The following CNTNAP2 variants were observed in gnomAD, a reference collection of about 807,000 sequenced individuals.
CNTNAP2 encodes the protein contactin associated protein 2.
Under a neutral mutation model 155.2 loss-of-function variants are expected in CNTNAP2, and 98 were observed. The ratio of observed to expected loss-of-function variants is 0.63; its 90% CI spans 0.54 to 0.75. The LOEUF (loss-of-function observed/expected upper bound fraction) is 0.75, where lower values mean the gene tolerates loss of function less well. Ranked by LOEUF, CNTNAP2 falls within the 30% of genes least tolerant of loss-of-function variation. The pLI is 0.00. For missense variants in CNTNAP2, 1,727 were observed against 1,688.1 expected (o/e 1.02, Z -0.40); for synonymous variants, 651 against 631.2 (o/e 1.03, Z -0.47).
intron 12 of CNTNAP2, among the ~76,000 whole-genome samples, chr7:147,603,134 C>T (rs947121513): frequency 4.6e-5 from 7 of 151,448 alleles, no homozygotes; most frequent in African/African-American, 1.7e-4. Flanking sequence ...TCTCCACATC[C>T]TCTCCAGCAC....
At chr7:147,970,812 A>G (rs1801319125) in intron 14 of CNTNAP2, among the ~76,000 whole-genome samples, 2 of 152,210 alleles carry the variant, frequency 1.3e-5, no homozygotes, top group African/African-American at 4.8e-5. Flanking sequence ...CACAGTCCCT[A>G]AATCTAGTTT....
intron 10 of CNTNAP2, among the ~76,000 whole-genome samples, chr7:147,477,463 CT>C (rs1798342890): frequency 1.3e-5 from 2 of 152,104 alleles, no homozygotes; most frequent in African/African-American, 2.4e-5. Flanking sequence ...TTAAGATTTT[CT>C]ACTTGGAGCA....
In CNTNAP2 at chr7:148,147,487, C is replaced by T. The variant is rs1270982949; in HGVS notation, c.2555-4C>T. The T allele has an allele frequency of 1.2e-6, 2 of 1,613,910 alleles. No homozygotes were observed. Among genetic ancestry groups the T allele is most frequent in the African/African-American group, 1.3e-5 (1 of 74,892 alleles). On this transcript the variant is annotated splice_polypyrimidine_tract_variant and splice_region_variant and intron_variant, in intron 16 of 23. Coordinates refer to ENST00000361727, the MANE Select transcript of CNTNAP2 (RefSeq NM_014141.6). Reference sequence around the variant, plus strand: ...CATGTTTTTCATGCTTTCTGCTCCTCCAGCTGCCACAGAAGTGTCCTTTTC... The same window carrying T: ...CATGTTTTTCATGCTTTCTGCTCCTTCAGCTGCCACAGAAGTGTCCTTTTC...
At chr7:146,487,507 T>G (rs1187827991) in intron 1 of CNTNAP2, among the ~76,000 whole-genome samples, 1 of 152,224 alleles carries the variant, frequency 6.6e-6, no homozygotes, top group Non-Finnish European at 1.5e-5. Context: ...TGCTAATATC[T>G]TTAATTTCTT....
chr7:146,849,608 C>T (rs775274943), intron 3 of CNTNAP2, among the ~76,000 whole-genome samples: 1 of 151,996 alleles, frequency 6.6e-6, no homozygotes, highest in Non-Finnish European at 1.5e-5. Flanking sequence ...TCTTAGTTGC[C>T]TTAGGTGTAA....
chr7:146,923,852 ACCTGGGACTTGTTAGAATTGAATATT>A (rs1162891020), intron 3 of CNTNAP2, among the ~76,000 whole-genome samples: 8 of 152,222 alleles, frequency 5.3e-5, no homozygotes, highest in African/African-American at 1.7e-4. Flanking sequence ...CATCAGTATC[ACCTGGGACTTGTTAGAATTGAATATT>A]CCTGGGACCT....
At chr7:146,984,497 T>C (rs1798080931) in intron 3 of CNTNAP2, among the ~76,000 whole-genome samples, 1 of 152,114 alleles carries the variant, frequency 6.6e-6, no homozygotes, top group African/African-American at 2.4e-5. Flanking sequence ...TTGTTCCACT[T>C]TATATTCTCC....
intron 1 of CNTNAP2, among the ~76,000 whole-genome samples, chr7:146,683,284 C>T (rs1238716303): frequency 2.6e-5 from 4 of 152,154 alleles, no homozygotes; most frequent in African/African-American, 4.8e-5. Flanking sequence ...ATGCCTGCCT[C>T]GGTCTCCCAA....
chr7:147,259,554 A>T (rs191433885), intron 8 of CNTNAP2, among the ~76,000 whole-genome samples: 1 of 152,370 alleles, frequency 6.6e-6, no homozygotes, highest in East Asian at 1.9e-4. Flanking sequence ...GACAATGTTT[A>T]CACAGGGTGA....
chr7:146,422,158 G>A (rs1312198038), intron 1 of CNTNAP2, among the ~76,000 whole-genome samples: 3 of 151,050 alleles, frequency 2.0e-5, no homozygotes, highest in Non-Finnish European at 4.4e-5. Context: ...GAATTATATG[G>A]TTGTGAATTC....
intron 10 of CNTNAP2, among the ~76,000 whole-genome samples, chr7:147,417,597 C>T (rs1584937080): frequency 6.6e-6 from 1 of 152,064 alleles, no homozygotes; most frequent in Non-Finnish European, 1.5e-5. Flanking sequence ...ACAAAGAAAA[C>T]GTTAAATTTT....
chr7:146,128,211 A>T (rs897583354), intron 1 of CNTNAP2, among the ~76,000 whole-genome samples: 12 of 152,188 alleles, frequency 7.9e-5, no homozygotes, highest in Non-Finnish European at 1.6e-4. Context: ...GAATGGTTGT[A>T]TTAAAGGAAC....
In CNTNAP2 at chr7:147,269,243, C is replaced by A. The variant is rs1804686445; in HGVS notation, c.1349-30898C>A. 2.0e-5 allele frequency among the ~76,000 whole-genome samples: 3 copies of A among 152,180 alleles called. No individual in the cohort carries two copies. In the South Asian group the frequency reaches 6.2e-4, roughly 32 times the overall value. ...GATATTTCAAAATGCACTTTTATTT[C>A]TTCTTTTTATGTATCTAGGGTAACT... is the stretch of plus-strand genomic sequence containing the variant. On this transcript the variant is annotated intron_variant, in intron 8 of 23. Coordinates refer to ENST00000361727, the MANE Select transcript of CNTNAP2 (RefSeq NM_014141.6).
chr7:147,842,402 T>C (rs947772965), intron 13 of CNTNAP2, among the ~76,000 whole-genome samples: 1 of 152,352 alleles, frequency 6.6e-6, no homozygotes. Context: ...CCACATATTC[T>C]ATGTTAATAA....
intron 1 of CNTNAP2, among the ~76,000 whole-genome samples, chr7:146,637,212 A>G (rs750275418): frequency 2.2e-4 from 33 of 152,196 alleles, no homozygotes; most frequent in Non-Finnish European, 4.3e-4. Flanking sequence ...TCTCTGATAC[A>G]TTTATTGGGA....
chr7:146,660,957 A>G (rs1383460139), intron 1 of CNTNAP2, among the ~76,000 whole-genome samples: 1 of 152,190 alleles, frequency 6.6e-6, no homozygotes, highest in African/African-American at 2.4e-5. Context: ...AAGTGGTTGA[A>G]GTGCAGAGAT....
intron 8 of CNTNAP2, among the ~76,000 whole-genome samples, chr7:147,159,888 ATCTATTACT>A (rs1801994154): frequency 6.6e-6 from 1 of 152,144 alleles, no homozygotes; most frequent in Admixed American, 6.6e-5. Flanking sequence ...AAATTGGTAT[ATCTATTACT>A]TCTCTATGAA....
At chr7:148,382,298 C>CT (rs1221914706) in intron 21 of CNTNAP2, among the ~76,000 whole-genome samples, 3 of 152,204 alleles carry the variant, frequency 2.0e-5, no homozygotes, top group Non-Finnish European at 4.4e-5. Context: ...CCCAGGCTCT[C>CT]TCCCTTGAGG....
chr7:147,760,575 T>A (rs1020328563), intron 13 of CNTNAP2, among the ~76,000 whole-genome samples: 8 of 152,356 alleles, frequency 5.3e-5, no homozygotes, highest in Admixed American at 3.9e-4. Context: ...GGCTGAGTTT[T>A]ACAACTGTTT....
Sources: allele counts gnomAD v4.1 joint callset (sites outside exome capture counted in the v4.1 genomes callset), GRCh38; gene constraint gnomAD v4.1.1; transcripts MANE v1.5; gene names NCBI Gene and HGNC (gene_info 2026-07-23, HGNC 2026-07-21).